Variants in RASAL2 observed in about 807,000 individuals in gnomAD.
RASAL2 encodes ras GTPase-activating protein nGAP.
A neutral mutation model predicts 128.9 loss-of-function variants in RASAL2; 58 were observed. The observed-to-expected ratio is 0.45, with a 90% CI of 0.36 to 0.56. The LOEUF (loss-of-function observed/expected upper bound fraction) is 0.56. Among genes scored for constraint, RASAL2 ranks in the 20% least tolerant of loss-of-function variants. The pLI is 0.00. For missense variants in RASAL2, 1,360 were observed against 1,601.6 expected (o/e 0.85, Z 2.57); for synonymous variants, 561 against 580.8 (o/e 0.97, Z 0.49).
At chr1:178,437,787 A>G (rs1466594778) in intron 5 of RASAL2, among the ~76,000 whole-genome samples, 2 of 152,116 alleles carry the variant, frequency 1.3e-5, no homozygotes, top group African/African-American at 4.8e-5. Context: ...TTAATTATTT[A>G]TAGTTGATGT....
Position 178,294,601 on chromosome 1 carries a change from A to G in RASAL2, c.331-5391A>G, listed in dbSNP as rs547269677. ...AAAAATAGGACACCACCCCCTCACT[A>G]TCTGTCTATCTGTCTGTCCATCTAT... is the stretch of plus-strand genomic sequence containing the variant. On this transcript the variant is annotated intron_variant, in intron 2 of 17. Transcript: ENST00000367649. Among the ~76,000 whole-genome samples, 17 of 152,268 alleles carry G rather than the reference A, an allele frequency of 1.1e-4. No individual in the cohort carries two copies. In the South Asian group the frequency reaches 3.1e-3, roughly 28 times the overall value.
intron 1 of RASAL2, among the ~76,000 whole-genome samples, chr1:178,140,538 T>G (rs1284963195): frequency 2.0e-5 from 3 of 152,214 alleles, no homozygotes; most frequent in Non-Finnish European, 2.9e-5. Context: ...TCTCTATAGT[T>G]TTACCTTTTC....
chr1:178,335,616 G>C (rs2102385772), intron 3 of RASAL2, among the ~76,000 whole-genome samples: 1 of 152,228 alleles, frequency 6.6e-6, no homozygotes, highest in South Asian at 2.1e-4. Flanking sequence ...CTCGGACACA[G>C]ATGTTTGGAA....
At chr1:178,397,136 A>G (rs1673288767) in intron 4 of RASAL2, among the ~76,000 whole-genome samples, 1 of 152,222 alleles carries the variant, frequency 6.6e-6, no homozygotes, top group Admixed American at 6.5e-5. Context: ...AATATACACA[A>G]GAAAATTGAA....
Position 178,162,386 on chromosome 1 carries a change from T to A in RASAL2, c.202+67692T>A, listed in dbSNP as rs1326802771. 1.8e-3 allele frequency among the ~76,000 whole-genome samples: 203 copies of A among 115,108 alleles called. 1 individual carries two copies. The highest frequency in any genetic ancestry group is 6.6e-3 in the African/African-American group (196 of 29,552). The allele number at this position is 115,108 out of a possible 152,430, so 75.5% of individuals were successfully genotyped here. ...TATACATATAATATATATTTATATA[T>A]TATATATATTATATATTTTATATAT... On this transcript the variant is annotated intron_variant, in intron 1 of 17. Transcript: ENST00000367649.
chr1:178,377,027 G>A (rs1041591720), intron 3 of RASAL2, among the ~76,000 whole-genome samples: 8 of 152,022 alleles, frequency 5.3e-5, no homozygotes, highest in Non-Finnish European at 1.5e-5. Context: ...AATACTCAGC[G>A]TATACTTTTT....
At chr1:178,152,644 A>G (rs927641254) in intron 1 of RASAL2, among the ~76,000 whole-genome samples, 1 of 152,136 alleles carries the variant, frequency 6.6e-6, no homozygotes, top group Non-Finnish European at 1.5e-5. Flanking sequence ...TAGCCTGGCA[A>G]CAGAGCTAGA....
chr1:178,202,815 A>G (rs930344981), intron 1 of RASAL2, among the ~76,000 whole-genome samples: 1 of 152,140 alleles, frequency 6.6e-6, no homozygotes, highest in East Asian at 1.9e-4. Context: ...TGTATGCACC[A>G]CTCAGCCTGT....
chr1:178,428,562 C>A (rs1031984409), intron 5 of RASAL2, among the ~76,000 whole-genome samples: 3 of 151,096 alleles, frequency 2.0e-5, no homozygotes, highest in East Asian at 1.9e-4. Context: ...GATGTTCTCT[C>A]TATATATATA....
intron 1 of RASAL2, among the ~76,000 whole-genome samples, chr1:178,210,935 C>T (rs1663231857): frequency 6.6e-6 from 1 of 152,102 alleles, no homozygotes; most frequent in South Asian, 2.1e-4. Flanking sequence ...AGTCTCTTTA[C>T]AAATCTCATT....
chr1:178,464,793 T>G (rs866069569), intron 15 of RASAL2, among the ~76,000 whole-genome samples: 1 of 150,296 alleles, frequency 6.7e-6, no homozygotes, highest in Non-Finnish European at 1.5e-5. Flanking sequence ...GCAAGACTTT[T>G]TGTTTATCTT....
rs1470808093 is a variant in RASAL2 at position 178,467,376 on chromosome 1, G to A, written c.3633G>A (p.Glu1211=). The A allele has an allele frequency of 6.2e-7, 1 of 1,614,050 alleles. No homozygotes were observed. The highest frequency in any genetic ancestry group is 1.7e-5 in the Admixed American group (1 of 60,012). The change falls in exon 17 of 18, where the codon GAG becomes GAA. Residue 1211 remains glutamate (E), a synonymous_variant. Transcript: ENST00000367649. ...AGGAACTGAAGAAGGATCATGCTGA[G>A]ATGCAAGCAGTTATTGATGCAAAGC... The part of the protein sequence containing the change: ...VEEELKKDHA[E]MQAVIDAKQK...
At chr1:178,450,313 A>T (rs987389153) in intron 9 of RASAL2, among the ~76,000 whole-genome samples, 2 of 152,152 alleles carry the variant, frequency 1.3e-5, no homozygotes, top group Admixed American at 6.5e-5. Flanking sequence ...CAAACAAGAC[A>T]GCTGAAACTC....
intron 1 of RASAL2, among the ~76,000 whole-genome samples, chr1:178,182,790 A>G (rs976363362): frequency 6.6e-6 from 1 of 150,912 alleles, no homozygotes; most frequent in African/African-American, 2.4e-5. Flanking sequence ...CAGCTTCATC[A>G]ACTAGAGCAG....
intron 1 of RASAL2, among the ~76,000 whole-genome samples, chr1:178,263,921 A>G (rs917395566): frequency 2.6e-5 from 4 of 152,232 alleles, no homozygotes; most frequent in African/African-American, 9.6e-5. Context: ...AAACAACTCC[A>G]TAGGAATTCT....
At chr1:178,214,140 CAT>C (rs1164325706) in intron 1 of RASAL2, among the ~76,000 whole-genome samples, 5 of 151,976 alleles carry the variant, frequency 3.3e-5, no homozygotes, top group African/African-American at 9.7e-5. Context: ...CGTGGTAATC[CAT>C]GTCTGTAGTC....
At chr1:178,262,895 G>C (rs1386232585) in intron 1 of RASAL2, among the ~76,000 whole-genome samples, 2 of 149,716 alleles carry the variant, frequency 1.3e-5, no homozygotes, top group Non-Finnish European at 3.0e-5. Flanking sequence ...AAAGTGTTTT[G>C]GCCCTTATAT....
At position 178,443,023 on chromosome 1, in the gene RASAL2, A is replaced by C. The variant is rs1166014854; in HGVS notation, c.1276A>C (p.Lys426Gln). Residue 426 changes from lysine (K) to glutamine (Q), a missense_variant, in exon 8 of 18, where the codon AAG (lysine) becomes CAG (glutamine). This residue lies in a region of RASAL2 where 617 missense variants were observed against 714.2 expected (regional missense o/e 0.86). Coordinates refer to ENST00000367649, the MANE Select transcript of RASAL2 (RefSeq NM_170692.4). ...GAGTACACCTACACCCAACAAAGGA[A>C]AGACAGGAGGACCTTCTATTCGGAT... The part of the protein sequence containing the change: ...PVSTPTPNKG[K>Q]TGGPSIRIKS... The C allele has an allele frequency of 6.2e-7, 1 of 1,613,930 alleles. No homozygotes were observed. The highest frequency in any genetic ancestry group is 8.5e-7 in the Non-Finnish European group (1 of 1,179,974).
At chr1:178,243,440 G>A (rs958967827) in intron 1 of RASAL2, among the ~76,000 whole-genome samples, 5 of 151,980 alleles carry the variant, frequency 3.3e-5, no homozygotes, top group African/African-American at 1.2e-4. Context: ...TGGTTGTGGT[G>A]CATCCCCCTT....
Sources: gnomAD v4.1 joint callset for allele counts (sites outside exome capture counted in the v4.1 genomes callset) on GRCh38, gnomAD v4.1.1 for gene constraint, gnomAD v4.1.1 regional missense constraint, MANE v1.5 for transcripts, NCBI Gene and HGNC (gene_info 2026-07-23, HGNC 2026-07-21) for gene names.